The following ZNRF3 variants were observed in gnomAD, a reference collection of about 807,000 sequenced individuals.
The protein encoded by ZNRF3 is zinc and ring finger 3.
Under a neutral mutation model 72.5 loss-of-function variants are expected in ZNRF3, and 23 were observed. The observed-to-expected ratio is 0.32, with a 90% CI of 0.23 to 0.45. The LOEUF (loss-of-function observed/expected upper bound fraction) is 0.45, where lower values mean the gene tolerates loss of function less well. ZNRF3 is among the 20% of genes least tolerant of loss of function. ZNRF3 has a pLI of 1.00. For missense variants in ZNRF3, 1,169 were observed against 1,272.1 expected (o/e 0.92, Z 1.23); for synonymous variants, 610 against 545.3 (o/e 1.12, Z -1.65).
chr22:29,036,929 C>G (rs1160508645), intron 2 of ZNRF3, among the ~76,000 whole-genome samples: 1 of 152,096 alleles, frequency 6.6e-6, no homozygotes, highest in Non-Finnish European at 1.5e-5. Flanking sequence ...GCAAAAAATT[C>G]TGTTTGGGGC....
At chr22:29,012,283 A>G (rs910007722) in intron 2 of ZNRF3, among the ~76,000 whole-genome samples, 1 of 152,198 alleles carries the variant, frequency 6.6e-6, no homozygotes, top group Non-Finnish European at 1.5e-5. Context: ...TCAGCCTTCT[A>G]TTTGGGTCTT....
intron 1 of ZNRF3, among the ~76,000 whole-genome samples, chr22:28,951,413 G>A (rs926684603): frequency 1.3e-5 from 2 of 152,108 alleles, no homozygotes; most frequent in Non-Finnish European, 2.9e-5. Context: ...CACCAGGAAC[G>A]TGCCAAGTGA....
chr22:29,020,241 C>G, intron 2 of ZNRF3, among the ~76,000 whole-genome samples: 1 of 141,406 alleles, frequency 7.1e-6, no homozygotes, highest in Non-Finnish European at 1.5e-5. Flanking sequence ...AGTACAGACA[C>G]AACCATCCTT....
chr22:28,904,638 C>G (rs1050979290), intron 1 of ZNRF3, among the ~76,000 whole-genome samples: 2 of 152,106 alleles, frequency 1.3e-5, no homozygotes, highest in Non-Finnish European at 2.9e-5. Flanking sequence ...AGCAAAAGTT[C>G]TTCCTCATGC....
chr22:28,932,901 A>G (rs966627903), intron 1 of ZNRF3, among the ~76,000 whole-genome samples: 4 of 152,162 alleles, frequency 2.6e-5, no homozygotes, highest in Non-Finnish European at 5.9e-5. Flanking sequence ...TCTCTAAGAG[A>G]TACTGTCTGT....
chr22:28,974,825 A>G (rs1340944203), intron 1 of ZNRF3, among the ~76,000 whole-genome samples: 4 of 152,084 alleles, frequency 2.6e-5, no homozygotes, highest in African/African-American at 9.7e-5. Flanking sequence ...TTGTAGAGAC[A>G]GGGGTCTCAC....
intron 1 of ZNRF3, among the ~76,000 whole-genome samples, chr22:28,944,192 C>T (rs557254338): frequency 3.7e-4 from 56 of 152,242 alleles, no homozygotes; most frequent in South Asian, 3.3e-3. Flanking sequence ...AATACTCATA[C>T]CCCGGCTAGG....
Position 28,954,431 on chromosome 22 carries a change from A to G in ZNRF3, c.301-32645A>G, listed in dbSNP as rs112356637. On this transcript the variant is annotated intron_variant, in intron 1 of 8. Coordinates refer to ENST00000544604, the MANE Select transcript of ZNRF3 (RefSeq NM_001206998.2). ...GCCCTCAGGACCTTATCTAATCTTA[A>G]TTACCTCCCAAAGACCCCACGCATC... is the stretch of plus-strand genomic sequence containing the variant. Among the ~76,000 whole-genome samples the G allele has an allele frequency of 8.1e-3, 1,230 of 152,110 alleles. 19 individuals are homozygous for G. The highest frequency in any genetic ancestry group is 0.028 in the African/African-American group (1,146 of 41,488).
intron 1 of ZNRF3, among the ~76,000 whole-genome samples, chr22:28,963,512 A>C (rs896087375): frequency 6.6e-6 from 1 of 152,190 alleles, no homozygotes; most frequent in African/African-American, 2.4e-5. Flanking sequence ...AAAAGCAATA[A>C]ATTATTTGTT....
intron 2 of ZNRF3, among the ~76,000 whole-genome samples, chr22:29,036,094 A>G (rs556017733): frequency 3.5e-4 from 54 of 152,240 alleles, no homozygotes; most frequent in African/African-American, 1.0e-3. Flanking sequence ...GCTATAAACC[A>G]CACCATTATG....
Position 29,057,447 on chromosome 22 carries a change from A to G in ZNRF3, c.*3825A>G, listed in dbSNP as rs1188369782. 2 of 117,794 alleles carry G rather than the reference A, an allele frequency of 1.7e-5. No individual in the cohort carries two copies. The highest frequency in any genetic ancestry group is 3.3e-4 in the South Asian group (1 of 3,040). 7.3% of individuals were successfully genotyped at this position (117,794 alleles called of 1,614,324 possible). A position where few individuals can be genotyped will look rare whatever the true frequency, so the allele number is the denominator to read the frequency against. On this transcript the variant is annotated 3_prime_UTR_variant, in exon 9 of 9. Transcript: ENST00000544604. ...TATGGTTTTGTAACAAATTGTACACATGACTGTAAAAAAAAAATACAATTT... is the reference window on the plus strand; with the variant it reads ...TATGGTTTTGTAACAAATTGTACACGTGACTGTAAAAAAAAAATACAATTT...
At chr22:28,913,602 C>A (rs1262907180) in intron 1 of ZNRF3, among the ~76,000 whole-genome samples, 1 of 152,070 alleles carries the variant, frequency 6.6e-6, no homozygotes, top group East Asian at 1.9e-4. Context: ...ACTATTTCTT[C>A]CATTTCAGCT....
At chr22:28,994,532 C>T (rs2036016841) in intron 2 of ZNRF3, among the ~76,000 whole-genome samples, 1 of 151,718 alleles carries the variant, frequency 6.6e-6, no homozygotes, top group African/African-American at 2.4e-5. Flanking sequence ...CTTAAGGAGT[C>T]AAATCCGTAG....
intron 1 of ZNRF3, among the ~76,000 whole-genome samples, chr22:28,948,947 A>T (rs765161167): frequency 6.6e-6 from 1 of 152,162 alleles, no homozygotes; most frequent in Non-Finnish European, 1.5e-5. Flanking sequence ...CTAACATTTC[A>T]TTATACAGTA....
intron 2 of ZNRF3, among the ~76,000 whole-genome samples, chr22:29,023,794 G>A (rs539214921): frequency 8.5e-5 from 13 of 152,306 alleles, no homozygotes; most frequent in African/African-American, 2.9e-4. Context: ...CAGCCACCTG[G>A]TAGGTATGCA....
chr22:29,036,419 A>G (rs2036868891), intron 2 of ZNRF3, among the ~76,000 whole-genome samples: 1 of 152,200 alleles, frequency 6.6e-6, no homozygotes, highest in Non-Finnish European at 1.5e-5. Context: ...TCAACTCATT[A>G]TATTTGACTC....
chr22:28,991,310 A>C (rs963816229), intron 2 of ZNRF3, among the ~76,000 whole-genome samples: 3 of 128,030 alleles, frequency 2.3e-5, no homozygotes, highest in Non-Finnish European at 5.0e-5. Flanking sequence ...AAAAAAAAAA[A>C]AGAAGAACAG....
intron 1 of ZNRF3, among the ~76,000 whole-genome samples, chr22:28,890,794 G>A (rs1227046873): frequency 1.3e-5 from 2 of 149,726 alleles, no homozygotes; most frequent in African/African-American, 5.0e-5. Flanking sequence ...GTCTCACCAT[G>A]TTGCCCAGGC....
intron 1 of ZNRF3, among the ~76,000 whole-genome samples, chr22:28,944,628 G>A (rs2035014037): frequency 1.3e-5 from 2 of 151,908 alleles, no homozygotes; most frequent in African/African-American, 4.8e-5. Context: ...GGTGGCGCAC[G>A]CCTGTAGTCC....
Sources: allele counts gnomAD v4.1 joint callset (sites outside exome capture counted in the v4.1 genomes callset), GRCh38; gene constraint gnomAD v4.1.1; transcripts MANE v1.5; gene names NCBI Gene and HGNC (gene_info 2026-07-23, HGNC 2026-07-21).